The following NPAS3 variants were observed in gnomAD, a reference collection of about 807,000 sequenced individuals.
The protein encoded by NPAS3 is neuronal PAS domain protein 3.
NPAS3 carries 14 observed loss-of-function variants against 73.1 expected under a neutral mutation model. The ratio of observed to expected loss-of-function variants is 0.19; its 90% CI spans 0.13 to 0.30. The LOEUF (loss-of-function observed/expected upper bound fraction) is 0.30, where lower values mean the gene tolerates loss of function less well. Among genes scored for constraint, NPAS3 ranks in the 10% least tolerant of loss-of-function variants. The pLI, the probability that NPAS3 is intolerant of heterozygous loss-of-function variation, is 1.00. For synonymous variants in NPAS3, 620 were observed against 541.5 expected (o/e 1.14, Z -2.01); for missense variants, 1,096 against 1,250.0 (o/e 0.88, Z 1.86).
At chr14:33,453,974 G>A (rs1377543191) in intron 4 of NPAS3, among the ~76,000 whole-genome samples, 2 of 152,202 alleles carry the variant, frequency 1.3e-5, no homozygotes, top group Non-Finnish European at 2.9e-5. Flanking sequence ...ACAGGCGTGA[G>A]CCACCATGAC....
intron 4 of NPAS3, among the ~76,000 whole-genome samples, chr14:33,554,537 T>C (rs987725872): frequency 6.6e-6 from 1 of 152,192 alleles, no homozygotes; most frequent in African/African-American, 2.4e-5. Context: ...GTGGAACAGA[T>C]GGTGAAGGCT....
intron 6 of NPAS3, among the ~76,000 whole-genome samples, chr14:33,689,126 C>T (rs1298083705): frequency 6.6e-6 from 1 of 152,154 alleles, no homozygotes; most frequent in Non-Finnish European, 1.5e-5. Context: ...ACAAGACAGC[C>T]CACGTTGTGT....
intron 2 of NPAS3, among the ~76,000 whole-genome samples, chr14:33,108,901 G>A (rs2042803551): frequency 6.6e-6 from 1 of 152,102 alleles, no homozygotes; most frequent in African/African-American, 2.4e-5. Context: ...AAGTGCGTTT[G>A]TCATATCTAT....
chr14:33,168,750 T>C (rs931909562), intron 2 of NPAS3, among the ~76,000 whole-genome samples: 2 of 152,304 alleles, frequency 1.3e-5, no homozygotes, highest in Admixed American at 6.5e-5. Context: ...TCTTCCCCTC[T>C]TCCCCTCTTC....
intron 6 of NPAS3, among the ~76,000 whole-genome samples, chr14:33,729,874 A>AC (rs2061359339): frequency 6.6e-6 from 1 of 152,174 alleles, no homozygotes; most frequent in Admixed American, 6.5e-5. Flanking sequence ...TTTTAAAACT[A>AC]CCACAGATGT....
intron 3 of NPAS3, among the ~76,000 whole-genome samples, chr14:33,269,361 G>A (rs1433851228): frequency 6.6e-6 from 1 of 152,108 alleles, no homozygotes; most frequent in Non-Finnish European, 1.5e-5. Flanking sequence ...ATGGATCTAT[G>A]TACTTATCTT....
chr14:33,321,846 T>TG (rs1321172696), intron 3 of NPAS3, among the ~76,000 whole-genome samples: 2 of 152,128 alleles, frequency 1.3e-5, no homozygotes, highest in African/African-American at 4.8e-5. Context: ...ACTGGAAAGT[T>TG]CTTAAGACAC....
At chr14:33,394,548 G>A (rs2047141443) in intron 4 of NPAS3, among the ~76,000 whole-genome samples, 2 of 152,118 alleles carry the variant, frequency 1.3e-5, no homozygotes, top group Non-Finnish European at 2.9e-5. Flanking sequence ...AGCTTTTGCT[G>A]CTTCACTGAT....
chr14:33,259,311 A>C (rs1398583865), intron 3 of NPAS3, among the ~76,000 whole-genome samples: 1 of 152,110 alleles, frequency 6.6e-6, no homozygotes, highest in Non-Finnish European at 1.5e-5. Flanking sequence ...TCTCTGTAGA[A>C]GACTACAACA....
intron 2 of NPAS3, among the ~76,000 whole-genome samples, chr14:33,079,357 C>T (rs1334629647): frequency 4.0e-5 from 5 of 126,034 alleles, no homozygotes; most frequent in Admixed American, 8.5e-5. Context: ...CTTGCTCTGT[C>T]GCCCAGGCTG....
intron 2 of NPAS3, among the ~76,000 whole-genome samples, chr14:33,077,571 G>A (rs4517701): frequency 1.3e-5 from 2 of 151,980 alleles, no homozygotes; most frequent in African/African-American, 4.8e-5. Context: ...AAATTGCACC[G>A]TATCAAGAAT....
intron 6 of NPAS3, among the ~76,000 whole-genome samples, chr14:33,679,185 T>C (rs756173249): frequency 2.0e-5 from 3 of 152,208 alleles, no homozygotes; most frequent in Non-Finnish European, 4.4e-5. Context: ...AGAGGCCCTC[T>C]TCCTTGATGG....
chr14:33,721,716 T>C (rs1179454742), intron 6 of NPAS3, among the ~76,000 whole-genome samples: 1 of 152,146 alleles, frequency 6.6e-6, no homozygotes, highest in African/African-American at 2.4e-5. Context: ...CTGAAACGAT[T>C]AAGAAGGAAA....
chr14:33,716,710 G>T (rs1245929437), intron 6 of NPAS3, among the ~76,000 whole-genome samples: 1 of 151,924 alleles, frequency 6.6e-6, no homozygotes, highest in Non-Finnish European at 1.5e-5. Context: ...TCATATAAGC[G>T]AATTCTCATC....
intron 4 of NPAS3, among the ~76,000 whole-genome samples, chr14:33,494,798 C>T (rs2052087006): frequency 6.6e-6 from 1 of 152,000 alleles, no homozygotes. Flanking sequence ...ATGTCACTGC[C>T]CTTCCTCATG....
At chr14:33,376,783 GT>G (rs2046333675) in intron 4 of NPAS3, among the ~76,000 whole-genome samples, 1 of 152,148 alleles carries the variant, frequency 6.6e-6, no homozygotes, top group Non-Finnish European at 1.5e-5. Flanking sequence ...CTAAGCCTTA[GT>G]TTTTTCATCT....
chr14:33,300,108 GA>G (rs1448927084), intron 3 of NPAS3, among the ~76,000 whole-genome samples: 3 of 152,134 alleles, frequency 2.0e-5, no homozygotes, highest in Admixed American at 2.0e-4. Flanking sequence ...CATGTTCAAA[GA>G]TTTCAGTTTA....
chr14:33,467,811 C>G (rs542591047), intron 4 of NPAS3, among the ~76,000 whole-genome samples: 7 of 152,140 alleles, frequency 4.6e-5, no homozygotes, highest in Non-Finnish European at 8.8e-5. Flanking sequence ...CAGCAAAAGT[C>G]AAAATCTCTC....
intron 2 of NPAS3, among the ~76,000 whole-genome samples, chr14:33,068,938 G>A (rs958525523): frequency 4.6e-5 from 7 of 152,112 alleles, no homozygotes; most frequent in African/African-American, 1.7e-4. Flanking sequence ...AACAGCACAC[G>A]GGATGCTGGC....
Sources: gnomAD v4.1 joint callset for allele counts (sites outside exome capture counted in the v4.1 genomes callset) on GRCh38, gnomAD v4.1.1 for gene constraint, MANE v1.5 for transcripts, NCBI Gene and HGNC (gene_info 2026-07-23, HGNC 2026-07-21) for gene names.